NBN: variants seen among roughly 807,000 people sequenced by gnomAD.
NBN encodes the protein nibrin.
Under a neutral mutation model 90.8 loss-of-function variants are expected in NBN, and 88 were observed. The observed-to-expected ratio is 0.97, with a 90% CI of 0.82 to 1.16. The LOEUF (loss-of-function observed/expected upper bound fraction) is 1.16. NBN is among the 50% of genes most tolerant of loss of function. The pLI is 0.00. For synonymous variants in NBN, 328 were observed against 295.1 expected, an observed-to-expected ratio of 1.11 and a Z score of -1.14; for missense variants, 894 against 869.6, an observed-to-expected ratio of 1.03 and a Z score of -0.35.
rs1586052628 is a variant in NBN at position 89,953,241 on chromosome 8, T to TA, written c.1845+2dup. On this transcript the variant is annotated splice_region_variant and intron_variant, in intron 11 of 15. Coordinates refer to ENST00000265433, the MANE Select transcript of NBN (RefSeq NM_002485.5). ...TATACCTCTCATTTAAAATGTTACT[T>TA]ACAGATATTTTGCTACTTTCTGGTA... The TA allele has an allele frequency of 5.7e-6, 9 of 1,582,898 alleles. No homozygotes were observed. The East Asian group carries it at 2.0e-4, about 35-fold the overall frequency.
In NBN at chr8:89,953,687, T is replaced by A. The variant is rs769862680; in HGVS notation, c.1402A>T (p.Arg468Trp). Residue 468 changes from arginine to tryptophan, a missense_variant, in exon 11 of 16, where the codon AGG (arginine) becomes TGG (tryptophan). By Grantham distance (101) the Arg-to-Trp change is moderately radical. Coordinates refer to ENST00000265433, the MANE Select transcript of NBN (RefSeq NM_002485.5). ...YFQPSTKKRE[R>W]DEENQEMSSC... is the part of the protein sequence containing the mutation. ...GACATTTCTTGATTTTCTTCATCCC[T>A]TTCCCTTAGATTTAAAAAAAAAGAA... is the stretch of plus-strand genomic sequence containing the variant. 1 of 1,607,700 alleles carries A rather than the reference T, an allele frequency of 6.2e-7. No homozygotes were observed. The highest frequency in any genetic ancestry group is 8.5e-7 in the Non-Finnish European group (1 of 1,177,160).
intron 13 of NBN, among the ~76,000 whole-genome samples, 196 bp from the exon 14 acceptor site, chr8:89,943,562 T>C (rs1271073794): frequency 2.0e-5 from 3 of 152,184 alleles, no homozygotes; most frequent in African/African-American, 7.2e-5. Context: ...TATTACTATA[T>C]ACAGATCTGG....
rs149830263 is a variant in NBN, at chr8:89,963,031, C to A, written c.994+1379G>T. Among the ~76,000 whole-genome samples, 427 of 152,314 alleles carry A rather than the reference C, an allele frequency of 2.8e-3. 3 individuals carry two copies. Among genetic ancestry groups the A allele is most frequent in the African/African-American group, 9.9e-3 (412 of 41,560 alleles). Reference sequence around the variant, plus strand: ...CCTCATCTACGAAAAGTAGATGATGCTCTTCCCTCTATCTTATAAGGACTG... The same window carrying A: ...CCTCATCTACGAAAAGTAGATGATGATCTTCCCTCTATCTTATAAGGACTG... On this transcript the variant is annotated intron_variant, in intron 8 of 15. Transcript: ENST00000265433.
chr8:89,954,622 GA>G (rs914429821), intron 10 of NBN, among the ~76,000 whole-genome samples: 9 of 152,120 alleles, frequency 5.9e-5, no homozygotes, highest in South Asian at 2.1e-4. Flanking sequence ...AACCCCTGTG[GA>G]AAAGAAGTAA....
intron 4 of NBN, 47 bp from the exon 5 acceptor site, chr8:89,978,370 T>C (rs1194299323): frequency 1.3e-6 from 2 of 1,510,356 alleles, no homozygotes; most frequent in Non-Finnish European, 1.8e-6. Flanking sequence ...ATGCTAGCAT[T>C]TTTTAAAGAA....
intron 14 of NBN, among the ~76,000 whole-genome samples, chr8:89,938,662 C>T (rs1347258131): frequency 2.0e-5 from 3 of 152,180 alleles, no homozygotes; most frequent in African/African-American, 4.8e-5. Context: ...CAGCTCTTAA[C>T]GAGGCTGCCT....
chr8:89,936,141 G>A lies in NBN; in HGVS notation c.2235-529C>T, dbSNP rs190426113. 3.4e-4 allele frequency: 114 copies of A among 336,710 alleles called. No homozygotes were observed. In the Middle Eastern group the frequency reaches 6.1e-3, roughly 18 times the overall value. 20.9% of individuals were successfully genotyped at this position (336,710 alleles called of 1,614,324 possible). ...GTCTCTCTCTGGAGTGCAGTGGCGCGATCTTGGCTCACGCAGCCTCCGCCT... is the reference window on the plus strand; with the variant it reads ...GTCTCTCTCTGGAGTGCAGTGGCGCAATCTTGGCTCACGCAGCCTCCGCCT... On this transcript the variant is annotated intron_variant, in intron 15 of 15. Coordinates refer to ENST00000265433, the MANE Select transcript of NBN (RefSeq NM_002485.5).
Position 89,981,514 on chromosome 8 carries a change from CTGTT to C in NBN, c.177_180del (p.Thr60MetfsTer6). ...TTTAATGTCAATACAGGGATTTCAT[CTGTT>C]TGACTCTGAAAAGTTAGCAAATAAT... On this transcript the variant is annotated frameshift_variant, in exon 3 of 16. Transcript: ENST00000265433. LOFTEE classifies it high-confidence loss of function. 6.2e-7 allele frequency: 1 copy of C among 1,612,874 alleles called. No individual in the cohort carries two copies. Among genetic ancestry groups the C allele is most frequent in the Non-Finnish European group, 8.5e-7 (1 of 1,179,076 alleles).
rs1255733657 is a variant in NBN at position 89,953,362 on chromosome 8, A to G, written c.1727T>C (p.Ile576Thr). ...CTCCTGTTTTTGAACTTTCACATCA[A>G]TTTCTAACTCTGGTTTTGTGTCCTT... ...LFKDTKPELE[I>T]DVKVQKQEED... The change falls in exon 11 of 16, where the codon ATT becomes ACT. Residue 576 changes from isoleucine (I) to threonine (T), a missense_variant. Physicochemically the swap from Ile to Thr is moderately conservative, Grantham distance 89. Coordinates refer to ENST00000265433, the MANE Select transcript of NBN (RefSeq NM_002485.5). The G allele has an allele frequency of 2.5e-6, 4 of 1,613,510 alleles. No individual in the cohort carries two copies. The highest frequency in any genetic ancestry group is 3.4e-6 in the Non-Finnish European group (4 of 1,179,744).
Position 89,982,660 on chromosome 8 carries a change from G to T in NBN, c.171+62C>A, listed in dbSNP as rs1362102012. On this transcript the variant is annotated intron_variant, in intron 2 of 15. Coordinates refer to ENST00000265433, the MANE Select transcript of NBN (RefSeq NM_002485.5). The stretch of plus-strand genomic sequence containing the variant: ...GAACTCTCTCTCACATACAAACCAA[G>T]AGAATATTTTGTGATTTCAACCCCC... The T allele has an allele frequency of 1.0e-5, 14 of 1,401,530 alleles. 1 individual carries two copies. The highest frequency in any genetic ancestry group is 2.3e-5 in the South Asian group (2 of 86,818). The allele number at this position is 1,401,530 out of a possible 1,614,324, so 86.8% of individuals were successfully genotyped here. A position where few individuals can be genotyped will look rare whatever the true frequency, so the allele number is the denominator to read the frequency against.
Position 89,943,312 on chromosome 8 carries a change from T to C in NBN, c.2125A>G (p.Ile709Val). The change falls in exon 14 of 16, where the codon ATA becomes GTA. Residue 709 changes from isoleucine to valine, a missense_variant. By Grantham distance (29) the Ile-to-Val change is conservative. Coordinates refer to ENST00000265433, the MANE Select transcript of NBN (RefSeq NM_002485.5). ...LPHIIGGSDL[I>V]AHHARKNTEL... ...GTATTCTTTCGAGCATGATGAGCTA[T>C]TAGATCTGATCCTCCAATGATGTGT... The C allele has an allele frequency of 1.2e-6, 2 of 1,612,934 alleles. No homozygotes were observed. Among genetic ancestry groups the C allele is most frequent in the African/African-American group, 1.3e-5 (1 of 75,002 alleles).
At chr8:89,959,823 A>C (rs1563540724) in intron 8 of NBN, among the ~76,000 whole-genome samples, 1 of 152,222 alleles carries the variant, frequency 6.6e-6, no homozygotes, top group Middle Eastern at 3.2e-3. Flanking sequence ...TAACTTCTCT[A>C]TGCTTCCCTT....
chr8:89,951,270 C>G (rs540827058), intron 11 of NBN, among the ~76,000 whole-genome samples: 2 of 145,054 alleles, frequency 1.4e-5, no homozygotes, highest in African/African-American at 5.2e-5. Context: ...GGAGATCACG[C>G]CACTGAACTC....
intron 15 of NBN, chr8:89,935,941 A>G (rs547622170): frequency 2.9e-6 from 1 of 344,328 alleles, no homozygotes; most frequent in East Asian, 7.2e-5. Flanking sequence ...CCTCCCCATA[A>G]TAAAAGCATA....
intron 15 of NBN, among the ~76,000 whole-genome samples, chr8:89,936,411 T>A (rs955434213): frequency 6.6e-6 from 1 of 152,150 alleles, no homozygotes; most frequent in Non-Finnish European, 1.5e-5. Context: ...AATTAGAGAA[T>A]CAATCTAATT....
At chr8:89,977,683 C>T (rs1200602206) in intron 5 of NBN, among the ~76,000 whole-genome samples, 2 of 152,070 alleles carry the variant, frequency 1.3e-5, no homozygotes, top group East Asian at 3.9e-4. Context: ...TAATTTACAC[C>T]CCCACCAACA....
At chr8:89,940,185 AAGCAAT>A (rs1242757757) in intron 14 of NBN, among the ~76,000 whole-genome samples, 2 of 152,192 alleles carry the variant, frequency 1.3e-5, no homozygotes, top group East Asian at 3.8e-4. Flanking sequence ...TCCCAGGCTC[AAGCAAT>A]CTTCCCACCT....
In NBN at chr8:89,981,468, G is replaced by T. The variant is rs587781412; in HGVS notation, c.227C>A (p.Thr76Asn). The change falls in exon 3 of 16, where the codon ACC becomes AAC. Residue 76 changes from threonine (T) to asparagine (N), a missense_variant. Transcript: ENST00000265433. ...LTLKDNSKYG[T>N]FVNEEKMQNG... ...CTGCATTTTTTCCTCATTAACAAAG[G>T]TACCATACTTAGAATTATCTTTTAA... 2.3e-5 allele frequency: 37 copies of T among 1,613,364 alleles called. No individual in the cohort carries two copies. The highest frequency in any genetic ancestry group is 3.0e-5 in the Non-Finnish European group (35 of 1,179,548).
At chr8:89,936,397 A>C (rs1289055144) in intron 15 of NBN, among the ~76,000 whole-genome samples, 4 of 152,136 alleles carry the variant, frequency 2.6e-5, no homozygotes, top group African/African-American at 4.8e-5. Context: ...ACTGTCAGTT[A>C]TGAAATTAGA....
Sources: allele counts gnomAD v4.1 joint callset (sites outside exome capture counted in the v4.1 genomes callset), GRCh38; gene constraint gnomAD v4.1.1; transcripts MANE v1.5; gene names NCBI Gene and HGNC (gene_info 2026-07-23, HGNC 2026-07-21).